The following UNC45B variants were observed in gnomAD, a reference collection of about 807,000 sequenced individuals.
UNC45B encodes the protein unc-45 myosin chaperone B.
Under a neutral mutation model 98.7 loss-of-function variants are expected in UNC45B, and 78 were observed. The observed-to-expected ratio is 0.79, with a 90% CI of 0.66 to 0.95. UNC45B has a LOEUF of 0.95. UNC45B is among the 40% of genes least tolerant of loss of function. The pLI, the probability that UNC45B is intolerant of heterozygous loss-of-function variation, is 0.00. For synonymous variants in UNC45B, 462 were observed against 480.4 expected, an observed-to-expected ratio of 0.96 and a Z score of 0.50; for missense variants, 1,225 against 1,184.9, an observed-to-expected ratio of 1.03 and a Z score of -0.50.
At chr17:35,160,002 T>A (rs1567757716) in intron 8 of UNC45B, among the ~76,000 whole-genome samples, 1 of 152,216 alleles carries the variant, frequency 6.6e-6, no homozygotes, top group Non-Finnish European at 1.5e-5. Context: ...ATTACGGACA[T>A]GCCCCGCAGA....
intron 7 of UNC45B, among the ~76,000 whole-genome samples, chr17:35,155,771 T>G (rs1260254898): frequency 6.6e-6 from 1 of 152,200 alleles, no homozygotes; most frequent in East Asian, 1.9e-4. Context: ...GGTTTCTTCA[T>G]GTTGGCCAGG....
At position 35,155,638 on chromosome 17, in the gene UNC45B, C is replaced by T. The variant is rs537572793; in HGVS notation, c.808+174C>T. 2.5e-3 allele frequency among the ~76,000 whole-genome samples: 373 copies of T among 152,226 alleles called. 1 individual carries two copies. The highest frequency in any genetic ancestry group is 4.8e-3 in the Non-Finnish European group (327 of 68,002). Reference sequence around the variant, plus strand: ...TCACCCAGGCTGGAGTGCAGTAGCGCGATCTAGACTCACTGCAACCTCCTG... The same window carrying T: ...TCACCCAGGCTGGAGTGCAGTAGCGTGATCTAGACTCACTGCAACCTCCTG... On this transcript the variant is annotated intron_variant, in intron 7 of 19. Coordinates refer to ENST00000394570, the MANE Select transcript of UNC45B (RefSeq NM_001267052.2).
At chr17:35,175,616 G>T (rs2092227000) in intron 14 of UNC45B, among the ~76,000 whole-genome samples, 1 of 152,202 alleles carries the variant, frequency 6.6e-6, no homozygotes, top group Non-Finnish European at 1.5e-5. Context: ...TCCATAGGAA[G>T]AGCTGGTGCT....
At chr17:35,171,548 G>C in intron 13 of UNC45B, 86 bp downstream of exon 13, 1 of 1,525,772 alleles carries the variant, frequency 6.6e-7, no homozygotes, top group African/African-American at 1.4e-5. Flanking sequence ...GTGGTGTCAG[G>C]AGTGGCACGG....
rs576020065 is a variant in UNC45B, at chr17:35,170,995, C to T, written c.1690-327C>T. Among the ~76,000 whole-genome samples the T allele has an allele frequency of 7.2e-5, 11 of 152,202 alleles. No homozygotes were observed. In the South Asian group the frequency reaches 1.7e-3, roughly 23 times the overall value. The stretch of plus-strand genomic sequence containing the variant: ...GCATGGGAGAGATTTTCACCAGGAC[C>T]GGAAAATGTCCAGCTCCCACCCCAT... On this transcript the variant is annotated intron_variant, in intron 12 of 19. Coordinates refer to ENST00000394570, the MANE Select transcript of UNC45B (RefSeq NM_001267052.2).
intron 4 of UNC45B, 110 bp downstream of exon 4, chr17:35,150,333 C>A (rs2092008559): frequency 4.9e-6 from 6 of 1,218,182 alleles, no homozygotes; most frequent in Middle Eastern, 2.1e-4. Context: ...CCTACCTCCA[C>A]ACTCTGAGAT....
In UNC45B at chr17:35,148,306, C is replaced by A. The variant is rs770937125; in HGVS notation, c.43C>A (p.Arg15=). The A allele has an allele frequency of 3.1e-6, 5 of 1,614,160 alleles. No individual in the cohort carries two copies. In the Admixed American group the frequency reaches 8.3e-5, roughly 27 times the overall value. ...GGTACAGCTGAAGGAGGAAGGAAAC[C>A]GGCATTTCCAGCTCCAGGACTACAA... ...EAVQLKEEGN[R]HFQLQDYKAA... is the part of the protein sequence containing the mutation. The change falls in exon 2 of 20, where the codon CGG becomes AGG. Residue 15 remains arginine (R), a synonymous_variant. Coordinates refer to ENST00000394570, the MANE Select transcript of UNC45B (RefSeq NM_001267052.2).
At chr17:35,170,529 TAAA>T (rs35208483) in intron 12 of UNC45B, among the ~76,000 whole-genome samples, 945 of 70,068 alleles carry the variant, frequency 0.013, 7 homozygotes, top group African/African-American at 0.048. Context: ...CTGAGGCAGC[TAAA>T]AAAAAAAAAA....
intron 17 of UNC45B, among the ~76,000 whole-genome samples, chr17:35,180,289 A>AG (rs57021893): frequency 2.0e-4 from 29 of 147,156 alleles, no homozygotes; most frequent in East Asian, 1.2e-3. Context: ...AGAGAGAGAG[A>AG]ATTTCTTTAC....
intron 7 of UNC45B, among the ~76,000 whole-genome samples, chr17:35,157,401 C>T (rs2092071475): frequency 1.3e-5 from 2 of 152,052 alleles, no homozygotes; most frequent in African/African-American, 2.4e-5. Flanking sequence ...GGGGTTTTAC[C>T]ATGTTGGCCA....
chr17:35,181,899 CAGAG>C (rs1224760521), intron 18 of UNC45B, among the ~76,000 whole-genome samples: 1 of 151,444 alleles, frequency 6.6e-6, no homozygotes, highest in Non-Finnish European at 1.5e-5. Context: ...ATAGGGGAGA[CAGAG>C]AGTGTGTCCA....
intron 9 of UNC45B, among the ~76,000 whole-genome samples, chr17:35,167,827 C>T (rs944387224): frequency 6.6e-6 from 1 of 152,186 alleles, no homozygotes; most frequent in Non-Finnish European, 1.5e-5. Flanking sequence ...CCCAGAGGCA[C>T]ACTCTGTGAC....
intron 9 of UNC45B, among the ~76,000 whole-genome samples, chr17:35,166,086 T>TAAAAA (rs55844448): frequency 0.016 from 911 of 58,098 alleles, 23 homozygotes; most frequent in African/African-American, 0.035. Flanking sequence ...CCCTCATCTC[T>TAAAAA]AAAAAAAAAA....
In UNC45B at chr17:35,148,957, C is replaced by T. The variant is rs752812976; in HGVS notation, c.169-16C>T. 6.2e-7 allele frequency: 1 copy of T among 1,614,062 alleles called. No individual in the cohort carries two copies. The highest frequency in any genetic ancestry group is 2.2e-5 in the East Asian group (1 of 44,874). On this transcript the variant is annotated splice_polypyrimidine_tract_variant and intron_variant, in intron 2 of 19. Coordinates refer to ENST00000394570, the MANE Select transcript of UNC45B (RefSeq NM_001267052.2). ...CCCACATTAACCGAGTCTCCTTCTC[C>T]TTCCCCTTTCCTCAGGAGAGCTACG... is the stretch of plus-strand genomic sequence containing the variant.
intron 5 of UNC45B, among the ~76,000 whole-genome samples, chr17:35,153,766 C>T (rs1427696944): frequency 6.8e-6 from 1 of 146,132 alleles, no homozygotes; most frequent in Non-Finnish European, 1.5e-5. Flanking sequence ...TGGTTCTGGT[C>T]ACGCTTGCCT....
At chr17:35,149,227 G>C (rs1314996528) in intron 3 of UNC45B, among the ~76,000 whole-genome samples, 2 of 152,200 alleles carry the variant, frequency 1.3e-5, no homozygotes, top group Non-Finnish European at 2.9e-5. Context: ...AGGTGGGTCA[G>C]AGAGCTGCCT....
At position 35,154,565 on chromosome 17, in the gene UNC45B, C is replaced by T. The variant is rs1210332322; in HGVS notation, c.472-9C>T. The T allele has an allele frequency of 6.2e-7, 1 of 1,611,786 alleles. No homozygotes were observed. Among genetic ancestry groups the T allele is most frequent in the African/African-American group, 1.3e-5 (1 of 74,948 alleles). ...CCCTCGTAACCCTTATTGCCTCTTC[C>T]TCCTTCAGGCTGCCAACAATCTCAT... On this transcript the variant is annotated splice_polypyrimidine_tract_variant and intron_variant, in intron 5 of 19. Coordinates refer to ENST00000394570, the MANE Select transcript of UNC45B (RefSeq NM_001267052.2).
chr17:35,177,114 C>G lies in UNC45B; in HGVS notation c.2123C>G (p.Ala708Gly), dbSNP rs941147982. 2 of 1,614,016 alleles carry G rather than the reference C, an allele frequency of 1.2e-6. No individual in the cohort carries two copies. Among genetic ancestry groups the G allele is most frequent in the African/African-American group, 2.7e-5 (2 of 74,904 alleles). ...GCTGCTGTCTCCAATCCGGACATTGCTTTTCCTGGGGAGCGGGTAGGTGCT... is the reference window on the plus strand; with the variant it reads ...GCTGCTGTCTCCAATCCGGACATTGGTTTTCCTGGGGAGCGGGTAGGTGCT... Reference protein sequence around the residue: ...KIAAVSNPDIAFPGERVYEVV... With the variant: ...KIAAVSNPDIGFPGERVYEVV... The change falls in exon 16 of 20, where the codon GCT becomes GGT. Residue 708 changes from alanine (A) to glycine (G), a missense_variant. Ala to Gly is a moderately conservative substitution (Grantham distance 60). Transcript: ENST00000394570.
intron 8 of UNC45B, among the ~76,000 whole-genome samples, chr17:35,160,955 C>G (rs1292688419): frequency 6.6e-6 from 1 of 152,234 alleles, no homozygotes. Context: ...TAAAGAATGT[C>G]TTTTGATATT....
Sources: allele counts gnomAD v4.1 joint callset (sites outside exome capture counted in the v4.1 genomes callset), GRCh38; gene constraint gnomAD v4.1.1; transcripts MANE v1.5; gene names NCBI Gene and HGNC (gene_info 2026-07-23, HGNC 2026-07-21).